The following ADAM20 variants were observed in gnomAD, a reference collection of about 807,000 sequenced individuals.
ADAM20 encodes disintegrin and metalloproteinase domain-containing protein 20.
For missense variants in ADAM20, 871 were observed against 883.2 expected (o/e 0.99, Z 0.18); for synonymous variants, 305 against 310.2 (o/e 0.98, Z 0.18).
chr14:70,578,720 G>A, the ADAM20 span, among the ~76,000 whole-genome samples: 2 of 152,094 alleles, frequency 1.3e-5, no homozygotes, highest in African/African-American at 4.8e-5. Flanking sequence ...AGATTCAGGA[G>A]GTACACATGG....
Position 70,523,444 on chromosome 14 carries a change from GTT to G in ADAM20, c.1312_1313del (p.Asn438LeufsTer28). The G allele has an allele frequency of 6.2e-7, 1 of 1,614,016 alleles. No homozygotes were observed. ...QCAKDPCCLL[N>X]CTLHPGAACA... ...AAGCAGCCCCAGGATGTAGAGTACAGTTTAACAGACAACAGGGATCTTTTGCA... is the reference window on the plus strand; with the variant it reads ...AAGCAGCCCCAGGATGTAGAGTACAGTAACAGACAACAGGGATCTTTTGCA... On this transcript the variant is annotated frameshift_variant, in exon 2 of 2. Coordinates refer to ENST00000256389, the MANE Select transcript of ADAM20 (RefSeq NM_003814.5). LOFTEE classifies it low-confidence loss of function (END_TRUNC).
At chr14:70,532,887 T>A (rs1228495820) in intron 1 of ADAM20, among the ~76,000 whole-genome samples, 3 of 152,086 alleles carry the variant, frequency 2.0e-5, no homozygotes, top group Admixed American at 6.6e-5. Context: ...TATCCAAAAA[T>A]ATATATATAT....
At chr14:70,559,312 C>CTTT in the ADAM20 span, among the ~76,000 whole-genome samples, 87 of 147,948 alleles carry the variant, frequency 5.9e-4, no homozygotes, top group Non-Finnish European at 4.6e-4. Context: ...TCCTTAATTC[C>CTTT]TTTTTTTTTT....
At chr14:70,534,007 T>G (rs1883772022) in intron 1 of ADAM20, among the ~76,000 whole-genome samples, 1 of 136,810 alleles carries the variant, frequency 7.3e-6, no homozygotes, top group Admixed American at 8.5e-5. Flanking sequence ...CGCTTGAGCC[T>G]GGGAGGCAGA....
chr14:70,522,436 T>C lies in ADAM20; in HGVS notation c.*141A>G. ...ATAGGCTAGGAATCCTTTGCTGTGA[T>C]AGCTAATGCTTGCAATCCTGACATG... On this transcript the variant is annotated 3_prime_UTR_variant, in exon 2 of 2. Coordinates refer to ENST00000256389, the MANE Select transcript of ADAM20 (RefSeq NM_003814.5). 1.2e-6 allele frequency: 1 copy of C among 835,090 alleles called. No homozygotes were observed. The highest frequency in any genetic ancestry group is 1.8e-6 in the Non-Finnish European group (1 of 552,286). The allele number at this position is 835,090 out of a possible 1,614,324, so 51.7% of individuals were successfully genotyped here.
the ADAM20 span, among the ~76,000 whole-genome samples, chr14:70,564,732 C>T: frequency 1.5e-5 from 2 of 134,706 alleles, no homozygotes; most frequent in African/African-American, 2.9e-5. Context: ...AAGAGATAGA[C>T]GCAATTTTTT....
At chr14:70,561,673 G>T in the ADAM20 span, among the ~76,000 whole-genome samples, 15 of 152,256 alleles carry the variant, frequency 9.9e-5, no homozygotes. Context: ...CGTGGGAATG[G>T]CTGCATCCCA....
chr14:70,535,184 G>A (rs191806886), upstream of ADAM20, among the ~76,000 whole-genome samples: 23 of 152,284 alleles, frequency 1.5e-4, no homozygotes, highest in Admixed American at 1.2e-3. Flanking sequence ...TTAATTTAAT[G>A]TAATTAAGCT....
At chr14:70,568,083 A>C in the ADAM20 span, among the ~76,000 whole-genome samples, 1 of 152,102 alleles carries the variant, frequency 6.6e-6, no homozygotes, top group Non-Finnish European at 1.5e-5. Flanking sequence ...TACAGCCTGA[A>C]CTGCACCACC....
the ADAM20 span, among the ~76,000 whole-genome samples, chr14:70,560,125 T>C: frequency 1.3e-4 from 20 of 152,274 alleles, no homozygotes; most frequent in Non-Finnish European, 2.4e-4. Flanking sequence ...AAAATATTCA[T>C]AGAAAATAAT....
At chr14:70,546,281 A>C in the ADAM20 span, among the ~76,000 whole-genome samples, 1 of 152,184 alleles carries the variant, frequency 6.6e-6, no homozygotes, top group African/African-American at 2.4e-5. Flanking sequence ...TAATTTAGAA[A>C]GTTTATTTTG....
At chr14:70,533,779 CT>C (rs1250087202) in intron 1 of ADAM20, among the ~76,000 whole-genome samples, 2 of 151,496 alleles carry the variant, frequency 1.3e-5, no homozygotes, top group Non-Finnish European at 2.9e-5. Context: ...AAAAAAAACC[CT>C]CTTAGAAAAA....
chr14:70,574,342 T>C, the ADAM20 span, among the ~76,000 whole-genome samples: 13 of 152,208 alleles, frequency 8.5e-5, no homozygotes, highest in Non-Finnish European at 1.3e-4. Context: ...TATAGCAATA[T>C]ATGCTACATT....
rs926478065 is a variant in ADAM20 at position 70,530,887 on chromosome 14, A to AAG, written c.-177+3908_-177+3909dup. Among the ~76,000 whole-genome samples, 3 of 152,108 alleles carry AAG rather than the reference A, an allele frequency of 2.0e-5. No individual in the cohort carries two copies. In the East Asian group the frequency reaches 5.8e-4, roughly 29 times the overall value. On this transcript the variant is annotated intron_variant, in intron 1 of 1. Transcript: ENST00000256389. ...TAAATACTGACATTTAAAAAAAAAA[A>AAG]AGAGAGAGAGAAATCTCAAATAAAC...
At chr14:70,564,566 TAAATGGGAATTTATGAAGTGA>T in the ADAM20 span, among the ~76,000 whole-genome samples, 67 of 152,098 alleles carry the variant, frequency 4.4e-4, no homozygotes, top group African/African-American at 1.6e-3. Flanking sequence ...TCACCCAAAA[TAAATGGGAATTTATGAAGTGA>T]AAATGGGAAT....
At chr14:70,564,199 G>T in the ADAM20 span, among the ~76,000 whole-genome samples, 1 of 152,244 alleles carries the variant, frequency 6.6e-6, no homozygotes, top group Non-Finnish European at 1.5e-5. Flanking sequence ...TTACACCAGC[G>T]CTGCTGAGCA....
the ADAM20 span, among the ~76,000 whole-genome samples, chr14:70,567,463 A>T: frequency 1.3e-5 from 2 of 152,366 alleles, no homozygotes; most frequent in Admixed American, 6.5e-5. Context: ...TGCCAACACC[A>T]GGAAATGAAC....
intron 1 of ADAM20, among the ~76,000 whole-genome samples, chr14:70,533,286 A>C (rs1883753036): frequency 6.6e-6 from 1 of 152,176 alleles, no homozygotes; most frequent in South Asian, 2.1e-4. Context: ...TTCTACTATA[A>C]AGACACATGC....
chr14:70,568,666 G>A, the ADAM20 span, among the ~76,000 whole-genome samples: 1 of 152,090 alleles, frequency 6.6e-6, no homozygotes. Flanking sequence ...CAAGATAGCT[G>A]TATTAAGAAA....
Sources: gnomAD v4.1 joint callset for allele counts (sites outside exome capture counted in the v4.1 genomes callset) on GRCh38, gnomAD v4.1.1 for gene constraint, MANE v1.5 for transcripts, NCBI Gene and HGNC (gene_info 2026-07-23, HGNC 2026-07-21) for gene names.